Variants in TPRA1 observed in about 807,000 individuals in gnomAD.
TPRA1 encodes the protein transmembrane protein adipocyte-associated 1.
In TPRA1, 28 loss-of-function variants were observed where a neutral mutation model predicts 40.1. The ratio of observed to expected loss-of-function variants is 0.70; its 90% CI spans 0.52 to 0.96. TPRA1 has a LOEUF of 0.96. Ranked by LOEUF, TPRA1 falls within the 40% of genes least tolerant of loss-of-function variation. TPRA1 has a pLI of 0.00. For synonymous variants in TPRA1, 219 were observed against 209.7 expected (o/e 1.04, Z -0.38); for missense variants, 441 against 482.6 (o/e 0.91, Z 0.81).
intron 1 of TPRA1, among the ~76,000 whole-genome samples, chr3:127,582,288 G>A (rs1362240689): frequency 1.3e-5 from 2 of 152,174 alleles, no homozygotes; most frequent in Non-Finnish European, 2.9e-5. Context: ...AAGGACAGCA[G>A]GGTGTAGTGA....
chr3:127,597,209 T>C (rs1199344733), intron 1 of TPRA1, among the ~76,000 whole-genome samples: 1 of 152,156 alleles, frequency 6.6e-6, no homozygotes, highest in Non-Finnish European at 1.5e-5. Flanking sequence ...GCAGAGATGC[T>C]TGTTCACTGC....
At position 127,575,470 on chromosome 3, in the gene TPRA1, C is replaced by T. The variant is rs758037516; in HGVS notation, c.706G>A (p.Ala236Thr). ...RSFYVYAGIL[A>T]LLNLLQGLGS... ...AGCCCCTGCAGTAGGTTGAGCAGTG[C>T]CAGGATGCCCGCATACACGTAGAAG... The change falls in exon 9 of 11, where the codon GCA becomes ACA. Residue 236 changes from alanine to threonine, a missense_variant. Ala to Thr is a moderately conservative substitution (Grantham distance 58, BLOSUM62 0). Transcript: ENST00000355552. The T allele has an allele frequency of 3.1e-6, 5 of 1,599,704 alleles. No individual in the cohort carries two copies. Among genetic ancestry groups the T allele is most frequent in the Non-Finnish European group, 4.3e-6 (5 of 1,173,510 alleles).
chr3:127,576,812 T>C lies in TPRA1; in HGVS notation c.418+9A>G, dbSNP rs1325118691. The C allele has an allele frequency of 6.2e-7, 1 of 1,613,696 alleles. No homozygotes were observed. Among genetic ancestry groups the C allele is most frequent in the Admixed American group, 1.7e-5 (1 of 60,008 alleles). On this transcript the variant is annotated intron_variant, in intron 5 of 10. Coordinates refer to ENST00000355552, the MANE Select transcript of TPRA1 (RefSeq NM_001136053.4). The surrounding 1 kb of genome is among the most constrained non-coding windows in gnomAD (Gnocchi z 4.6). ...TCGCCAGGGCCCAAGAGCCCAGCGGTACACACACCAAAGGCCAGGCCCAGG... is the reference window on the plus strand; with the variant it reads ...TCGCCAGGGCCCAAGAGCCCAGCGGCACACACACCAAAGGCCAGGCCCAGG...
intron 1 of TPRA1, among the ~76,000 whole-genome samples, chr3:127,597,306 T>TC (rs1159857931): frequency 6.6e-6 from 1 of 152,188 alleles, no homozygotes; most frequent in African/African-American, 2.4e-5. Context: ...CACAGCAACC[T>TC]CCTCGTTTGC....
intron 1 of TPRA1, among the ~76,000 whole-genome samples, chr3:127,580,880 C>T (rs1463050905): frequency 6.6e-6 from 1 of 152,228 alleles, no homozygotes; most frequent in African/African-American, 2.4e-5. Flanking sequence ...GGCTGTACCA[C>T]AGAGGGGCAA....
chr3:127,579,492 G>C (rs917678795), intron 3 of TPRA1, among the ~76,000 whole-genome samples: 1 of 152,142 alleles, frequency 6.6e-6, no homozygotes, highest in Non-Finnish European at 1.5e-5. Context: ...AACAGGCACT[G>C]TTTGCCTGAG....
chr3:127,578,963 C>T (rs2107635679), intron 3 of TPRA1, among the ~76,000 whole-genome samples: 1 of 151,966 alleles, frequency 6.6e-6, no homozygotes, highest in Admixed American at 6.6e-5. Flanking sequence ...ACCAGGACAG[C>T]CCGCACCGGA....
intron 1 of TPRA1, among the ~76,000 whole-genome samples, chr3:127,581,683 C>A (rs1294282833): frequency 6.6e-6 from 1 of 151,184 alleles, no homozygotes; most frequent in African/African-American, 2.4e-5. Context: ...GAGGCCGAGG[C>A]GGGCAGATTG....
At chr3:127,595,867 C>T (rs2074235583) in intron 1 of TPRA1, among the ~76,000 whole-genome samples, 1 of 152,142 alleles carries the variant, frequency 6.6e-6, no homozygotes. Flanking sequence ...AGTCCAACAG[C>T]CTATGAGGAC....
intron 10 of TPRA1, 150 bp downstream of exon 10, chr3:127,575,035 T>C (rs2073539967): frequency 5.0e-6 from 4 of 792,716 alleles, no homozygotes; most frequent in Admixed American, 2.7e-5. Context: ...TGTGTATCTG[T>C]ATGTGTGTGC....
At chr3:127,595,547 A>G (rs1217636440), upstream of TPRA1, 1 of 152,322 alleles carries the variant, frequency 6.6e-6, no homozygotes, top group Non-Finnish European at 1.5e-5. Context: ...AGTCCTTATC[A>G]GATGACCTCT....
chr3:127,580,170 G>C lies in TPRA1; in HGVS notation c.-17-7C>G. The C allele has an allele frequency of 6.2e-7, 1 of 1,608,212 alleles. No individual in the cohort carries two copies. On this transcript the variant is annotated splice_region_variant and splice_polypyrimidine_tract_variant and intron_variant, in intron 1 of 10. Transcript: ENST00000355552. ...ATCCCGCCAGCAGCCAGCCCTGGGG[G>C]AGTGAGAGCCGCCCAGTGAGCTGTG...
At chr3:127,589,533 G>T (rs1173389175) in intron 1 of TPRA1, among the ~76,000 whole-genome samples, 1 of 152,122 alleles carries the variant, frequency 6.6e-6, no homozygotes, top group Admixed American at 6.5e-5. Context: ...GCTGGCAGGC[G>T]TGTGGTCCCT....
At chr3:127,593,691 A>C (rs1388312189), upstream of TPRA1, among the ~76,000 whole-genome samples, 1 of 152,148 alleles carries the variant, frequency 6.6e-6, no homozygotes, top group African/African-American at 2.4e-5. Context: ...GTACCTATTT[A>C]ATTCATCAGT....
intron 3 of TPRA1, among the ~76,000 whole-genome samples, chr3:127,578,999 C>T (rs147941060): frequency 6.7e-6 from 1 of 149,402 alleles, no homozygotes; most frequent in Non-Finnish European, 1.5e-5. Context: ...AGCCCACACC[C>T]GAAGCCCACA....
intron 1 of TPRA1, among the ~76,000 whole-genome samples, chr3:127,585,598 C>T (rs2073975252): frequency 6.6e-6 from 1 of 152,170 alleles, no homozygotes; most frequent in Non-Finnish European, 1.5e-5. Context: ...CTTTGGGAGG[C>T]TTGGCCAACA....
At chr3:127,580,981 G>A (rs955159895) in intron 1 of TPRA1, among the ~76,000 whole-genome samples, 3 of 152,216 alleles carry the variant, frequency 2.0e-5, no homozygotes, top group Non-Finnish European at 4.4e-5. Context: ...CTCTGAGCAT[G>A]AGAGGTCGAG....
upstream of TPRA1, among the ~76,000 whole-genome samples, chr3:127,591,701 C>G (rs1348530516): frequency 6.6e-6 from 1 of 152,118 alleles, no homozygotes; most frequent in African/African-American, 2.4e-5. Context: ...CATCTTAATT[C>G]TCACCTGATT....
At chr3:127,581,950 AG>A (rs1559843094) in intron 1 of TPRA1, among the ~76,000 whole-genome samples, 1 of 151,768 alleles carries the variant, frequency 6.6e-6, no homozygotes, top group Non-Finnish European at 1.5e-5. Flanking sequence ...AAAAGAAAAA[AG>A]ATTTGTCCCG....
Sources: allele counts gnomAD v4.1 joint callset (sites outside exome capture counted in the v4.1 genomes callset), GRCh38; gene constraint gnomAD v4.1.1; non-coding constraint Gnocchi (gnomAD v3.1); transcripts MANE v1.5; gene names NCBI Gene and HGNC (gene_info 2026-07-23, HGNC 2026-07-21).